LMX1A: variants seen among roughly 807,000 people sequenced by gnomAD.
LMX1A encodes LIM homeobox transcription factor 1 alpha.
Under a neutral mutation model 49.1 loss-of-function variants are expected in LMX1A, and 15 were observed. The observed-to-expected ratio is 0.31, with a 90% CI of 0.20 to 0.47. The LOEUF is 0.47. Ranked by LOEUF, LMX1A falls within the 20% of genes least tolerant of loss-of-function variation. LMX1A has a pLI of 1.00. For missense variants in LMX1A, 372 were observed against 475.8 expected (o/e 0.78, Z 2.03); for synonymous variants, 167 against 185.7 (o/e 0.90, Z 0.82).
At chr1:165,218,176 C>T (rs1238806102) in intron 4 of LMX1A, among the ~76,000 whole-genome samples, 1 of 152,246 alleles carries the variant, frequency 6.6e-6, no homozygotes, top group Non-Finnish European at 1.5e-5. Flanking sequence ...CTCTTGTTCT[C>T]CATCAAAACT....
chr1:165,348,276 CT>C (rs1467239109), intron 3 of LMX1A, among the ~76,000 whole-genome samples: 1 of 152,104 alleles, frequency 6.6e-6, no homozygotes, highest in African/African-American at 2.4e-5. Flanking sequence ...TCCCAGAATA[CT>C]ATTAATATCT....
At chr1:165,346,185 C>T (rs1415199341) in intron 3 of LMX1A, among the ~76,000 whole-genome samples, 1 of 152,152 alleles carries the variant, frequency 6.6e-6, no homozygotes, top group Non-Finnish European at 1.5e-5. Context: ...CAGAGATAGG[C>T]AGATCTATCT....
At chr1:165,214,403 G>A (rs1158508275) in intron 4 of LMX1A, among the ~76,000 whole-genome samples, 3 of 152,134 alleles carry the variant, frequency 2.0e-5, no homozygotes, top group Non-Finnish European at 2.9e-5. Flanking sequence ...CCCAGTCTCC[G>A]GTATGTCTTT....
chr1:165,257,624 A>T (rs1452883049), intron 3 of LMX1A, among the ~76,000 whole-genome samples: 1 of 152,214 alleles, frequency 6.6e-6, no homozygotes, highest in Non-Finnish European at 1.5e-5. Context: ...GAAACAAGAC[A>T]AATCTTGCTG....
chr1:165,256,471 C>T (rs1289031964), intron 3 of LMX1A, among the ~76,000 whole-genome samples: 1 of 152,154 alleles, frequency 6.6e-6, no homozygotes, highest in African/African-American at 2.4e-5. Flanking sequence ...AAACCCACTC[C>T]ATTCACACCT....
At chr1:165,262,820 G>GA (rs561484937) in intron 3 of LMX1A, among the ~76,000 whole-genome samples, 38 of 147,220 alleles carry the variant, frequency 2.6e-4, no homozygotes, top group Middle Eastern at 3.5e-3. Flanking sequence ...GGCCTTTGTA[G>GA]AAAAAAAAAA....
chr1:165,342,482 C>CT (rs1268662072), intron 3 of LMX1A, among the ~76,000 whole-genome samples: 1 of 151,982 alleles, frequency 6.6e-6, no homozygotes, highest in African/African-American at 2.4e-5. Flanking sequence ...TTCTGCTTGC[C>CT]TTTTTGTCCT....
At chr1:165,347,617 C>A (rs147059599) in intron 3 of LMX1A, among the ~76,000 whole-genome samples, 21 of 152,278 alleles carry the variant, frequency 1.4e-4, no homozygotes, top group African/African-American at 4.8e-4. Context: ...AGAGTTAGGG[C>A]AGAAATTATT....
chr1:165,221,587 G>A (rs907587665), intron 4 of LMX1A, among the ~76,000 whole-genome samples: 9 of 152,298 alleles, frequency 5.9e-5, no homozygotes, highest in South Asian at 2.1e-4. Flanking sequence ...TGCAGAGGGG[G>A]GTTTCTGGGC....
chr1:165,289,267 A>C (rs939774362), intron 3 of LMX1A, among the ~76,000 whole-genome samples: 1 of 150,626 alleles, frequency 6.6e-6, no homozygotes, highest in African/African-American at 2.4e-5. Context: ...AGAGAGAGAG[A>C]GAGCCAGTTG....
At chr1:165,254,524 G>A (rs542923663) in intron 3 of LMX1A, among the ~76,000 whole-genome samples, 6 of 152,150 alleles carry the variant, frequency 3.9e-5, no homozygotes, top group Non-Finnish European at 8.8e-5. Flanking sequence ...AGTAATTCAA[G>A]GAGAAAAGGT....
At chr1:165,265,181 G>A (rs1653580975) in intron 3 of LMX1A, among the ~76,000 whole-genome samples, 1 of 150,300 alleles carries the variant, frequency 6.7e-6, no homozygotes, top group Non-Finnish European at 1.5e-5. Context: ...TCCAGCCTGG[G>A]CGACAGTGAG....
intron 3 of LMX1A, among the ~76,000 whole-genome samples, chr1:165,297,097 C>T (rs1654641322): frequency 6.6e-6 from 1 of 152,220 alleles, no homozygotes; most frequent in South Asian, 2.1e-4. Flanking sequence ...AGCTCAGTTT[C>T]CAGCACAGTG....
At chr1:165,303,610 A>G (rs1408206518) in intron 3 of LMX1A, among the ~76,000 whole-genome samples, 2 of 152,212 alleles carry the variant, frequency 1.3e-5, no homozygotes, top group African/African-American at 2.4e-5. Flanking sequence ...TCCTCCAGAC[A>G]TCGCCTACGC....
intron 5 of LMX1A, chr1:165,211,138 T>C (rs1651368815): frequency 6.0e-6 from 1 of 165,366 alleles, no homozygotes; most frequent in Admixed American, 6.4e-5. Context: ...GATCTGAGAG[T>C]GAAAATCACT....
chr1:165,342,674 C>T (rs1008433297), intron 3 of LMX1A, among the ~76,000 whole-genome samples: 3 of 151,900 alleles, frequency 2.0e-5, no homozygotes, highest in African/African-American at 7.3e-5. Flanking sequence ...AGAGGCAATC[C>T]CCAAATCCTA....
intron 3 of LMX1A, among the ~76,000 whole-genome samples, chr1:165,294,969 A>G (rs1174153837): frequency 2.0e-5 from 3 of 150,676 alleles, no homozygotes; most frequent in African/African-American, 7.3e-5. Context: ...ATCTCAAAAG[A>G]AAAAAAAAAT....
intron 7 of LMX1A, among the ~76,000 whole-genome samples, 190 bp from the exon 8 acceptor site, chr1:165,206,224 A>G (rs969774579): frequency 3.9e-5 from 6 of 152,134 alleles, no homozygotes; most frequent in Admixed American, 1.3e-4. Flanking sequence ...GGGATGTTGA[A>G]CTTTGAGAAC....
intron 3 of LMX1A, among the ~76,000 whole-genome samples, chr1:165,250,462 A>C (rs1316483199): frequency 1.3e-5 from 2 of 152,174 alleles, no homozygotes; most frequent in Non-Finnish European, 2.9e-5. Flanking sequence ...CCAGATTGTG[A>C]ATTCTTAATA....
Sources: allele counts gnomAD v4.1 joint callset (sites outside exome capture counted in the v4.1 genomes callset), GRCh38; gene constraint gnomAD v4.1.1; transcripts MANE v1.5; gene names NCBI Gene and HGNC (gene_info 2026-07-23, HGNC 2026-07-21).